The following LDAH variants were observed in gnomAD, a reference collection of about 807,000 sequenced individuals.
LDAH encodes lipid droplet-associated hydrolase.
LDAH carries 26 observed loss-of-function variants against 29.6 expected under a neutral mutation model. That is an observed-to-expected ratio of 0.88 (90% CI 0.64 to 1.22). The LOEUF (loss-of-function observed/expected upper bound fraction) is 1.22, where lower values mean the gene tolerates loss of function less well. LDAH is among the 50% of genes most tolerant of loss of function. The pLI is 0.00. For missense variants in LDAH, 344 were observed against 387.3 expected (o/e 0.89, Z 0.94); for synonymous variants, 117 against 133.0 (o/e 0.88, Z 0.83).
intron 5 of LDAH, among the ~76,000 whole-genome samples, chr2:20,710,004 C>A (rs1664595164): frequency 6.6e-6 from 1 of 151,946 alleles, no homozygotes; most frequent in African/African-American, 2.4e-5. Context: ...GTTTCCATTG[C>A]AAGAAACTAG....
chr2:20,702,862 G>A (rs936557726), intron 5 of LDAH, among the ~76,000 whole-genome samples: 3 of 152,100 alleles, frequency 2.0e-5, no homozygotes, highest in Admixed American at 6.6e-5. Flanking sequence ...ATGGAGTTTC[G>A]CTCTTTGTTG....
At chr2:20,747,088 T>G (rs1227729178) in intron 4 of LDAH, among the ~76,000 whole-genome samples, 2 of 152,064 alleles carry the variant, frequency 1.3e-5, no homozygotes. Context: ...GGCCACAAGG[T>G]AAGAAGTATG....
chr2:20,706,039 A>T (rs900576455), intron 5 of LDAH, among the ~76,000 whole-genome samples: 1 of 152,202 alleles, frequency 6.6e-6, no homozygotes, highest in African/African-American at 2.4e-5. Context: ...AGGAACTGAA[A>T]TTTCAATTTT....
chr2:20,767,029 C>T lies in LDAH; in HGVS notation c.468+7781G>A, dbSNP rs561830583. ...GGCCTGCAATCCATTCCTGGAGGTG[C>T]GCACTGGGCAGGGCCACAATCTGGG... On this transcript the variant is annotated intron_variant, in intron 4 of 6. Transcript: ENST00000237822. Among the ~76,000 whole-genome samples, 294 of 152,350 alleles carry T rather than the reference C, an allele frequency of 1.9e-3. 1 individual carries two copies. Among genetic ancestry groups the T allele is most frequent in the African/African-American group, 6.7e-3 (279 of 41,596 alleles).
At chr2:20,797,604 T>C (rs1264819495) in intron 2 of LDAH, among the ~76,000 whole-genome samples, 1 of 152,188 alleles carries the variant, frequency 6.6e-6, no homozygotes, top group South Asian at 2.1e-4. Context: ...CTAATCACCC[T>C]AGACACACCT....
At chr2:20,818,621 A>C (rs1185516673) in intron 1 of LDAH, among the ~76,000 whole-genome samples, 1 of 151,418 alleles carries the variant, frequency 6.6e-6, no homozygotes, top group Non-Finnish European at 1.5e-5. Flanking sequence ...TTCCTTTCTC[A>C]TCAGACCTAA....
At chr2:20,781,924 T>C (rs764219862) in intron 3 of LDAH, among the ~76,000 whole-genome samples, 79 of 152,276 alleles carry the variant, frequency 5.2e-4, no homozygotes, top group Admixed American at 1.5e-3. Flanking sequence ...ATTAACTCAA[T>C]AGTACACAAG....
chr2:20,717,721 C>T (rs1346284081), intron 5 of LDAH, among the ~76,000 whole-genome samples: 1 of 152,058 alleles, frequency 6.6e-6, no homozygotes, highest in African/African-American at 2.4e-5. Context: ...TTAATGTGTA[C>T]ATGTTTTGTA....
intron 5 of LDAH, among the ~76,000 whole-genome samples, chr2:20,713,518 T>C (rs1222797668): frequency 1.3e-5 from 2 of 152,090 alleles, no homozygotes; most frequent in African/African-American, 2.4e-5. Context: ...AATGACAGGA[T>C]CAAATTCACA....
chr2:20,694,129 C>T (rs1359977194), intron 6 of LDAH, among the ~76,000 whole-genome samples: 2 of 147,186 alleles, frequency 1.4e-5, no homozygotes, highest in Non-Finnish European at 3.0e-5. Flanking sequence ...TTAGTACCTA[C>T]ACATACAGGC....
In LDAH at chr2:20,686,547, C is replaced by T. The variant is rs1391670137; in HGVS notation, c.*356G>A. The T allele has an allele frequency of 1.8e-5, 3 of 171,380 alleles. No homozygotes were observed. Among genetic ancestry groups the T allele is most frequent in the African/African-American group, 4.8e-5 (2 of 42,072 alleles). 10.6% of individuals were successfully genotyped at this position (171,380 alleles called of 1,614,324 possible). ...ATAATTTCCTCCAGAGGAGCCTATT[C>T]TACAATGTAACTCAATTAAAATCAA... On this transcript the variant is annotated 3_prime_UTR_variant, in exon 7 of 7. Transcript: ENST00000237822.
At chr2:20,743,257 T>C (rs945435589) in intron 4 of LDAH, among the ~76,000 whole-genome samples, 3 of 152,136 alleles carry the variant, frequency 2.0e-5, no homozygotes, top group Non-Finnish European at 2.9e-5. Flanking sequence ...AAAAAAATTC[T>C]TCTAGTGGTT....
chr2:20,805,264 CAAAT>C (rs541712733), intron 1 of LDAH, among the ~76,000 whole-genome samples: 200 of 152,268 alleles, frequency 1.3e-3, no homozygotes, highest in Admixed American at 2.4e-3. Context: ...TCTAACACCT[CAAAT>C]AAAATAAGCT....
intron 1 of LDAH, among the ~76,000 whole-genome samples, chr2:20,812,924 T>C (rs573996845): frequency 1.3e-5 from 2 of 152,168 alleles, no homozygotes; most frequent in Non-Finnish European, 2.9e-5. Flanking sequence ...ATGGGTACTA[T>C]TATTTCATCC....
intron 5 of LDAH, among the ~76,000 whole-genome samples, chr2:20,738,286 T>TAATAATAAC (rs889015928): frequency 6.8e-6 from 1 of 147,158 alleles, no homozygotes; most frequent in African/African-American, 2.6e-5. Flanking sequence ...ATAATAATAA[T>TAATAATAAC]AATATATAGA....
intron 5 of LDAH, among the ~76,000 whole-genome samples, chr2:20,716,100 G>T (rs1242976499): frequency 1.3e-5 from 2 of 152,160 alleles, no homozygotes; most frequent in Non-Finnish European, 2.9e-5. Context: ...AGGATATGGA[G>T]AAATTGGAAT....
chr2:20,756,898 A>G (rs547221996), intron 4 of LDAH, among the ~76,000 whole-genome samples: 1 of 152,352 alleles, frequency 6.6e-6, no homozygotes, highest in African/African-American at 2.4e-5. Flanking sequence ...AACTTTCCAG[A>G]GGAAGAAAAC....
chr2:20,811,349 T>A (rs1672481842), intron 1 of LDAH, among the ~76,000 whole-genome samples: 1 of 151,974 alleles, frequency 6.6e-6, no homozygotes, highest in African/African-American at 2.4e-5. Context: ...TGACTATATT[T>A]CATTAATGGT....
intron 1 of LDAH, among the ~76,000 whole-genome samples, chr2:20,821,614 T>C (rs917274957): frequency 6.6e-6 from 1 of 151,782 alleles, no homozygotes; most frequent in Non-Finnish European, 1.5e-5. Flanking sequence ...CGGGGCCTGT[T>C]GTGGGGTGGG....
Sources: allele counts gnomAD v4.1 joint callset (sites outside exome capture counted in the v4.1 genomes callset), GRCh38; gene constraint gnomAD v4.1.1; transcripts MANE v1.5; gene names NCBI Gene and HGNC (gene_info 2026-07-23, HGNC 2026-07-21).